Variants in LRRC3C observed in about 807,000 individuals in gnomAD.
LRRC3C encodes the protein leucine rich repeat containing 3C.
In LRRC3C, 11 loss-of-function variants were observed where a neutral mutation model predicts 14.8. That is an observed-to-expected ratio of 0.74 (90% CI 0.47 to 1.23). The LOEUF (loss-of-function observed/expected upper bound fraction) is 1.23. Ranked by LOEUF, LRRC3C falls within the 50% of genes most tolerant of loss-of-function variation. The probability of loss-of-function intolerance (pLI) is 0.00; values close to 1 mark genes in which losing one functional copy is unlikely to be tolerated. For synonymous variants in LRRC3C, 149 were observed against 161.5 expected, an observed-to-expected ratio of 0.92 and a Z score of 0.59; for missense variants, 354 against 361.8, an observed-to-expected ratio of 0.98 and a Z score of 0.18.
At position 39,944,703 on chromosome 17, in the gene LRRC3C, A is replaced by G. The variant is rs1424841608; in HGVS notation, c.797A>G (p.Glu266Gly). The G allele has an allele frequency of 2.0e-6, 3 of 1,535,698 alleles. No individual in the cohort carries two copies. The South Asian group carries it at 3.6e-5, about 18-fold the overall frequency. ...KRAPVLPVRS[E>G]DSSILSTVV ...GCCCCAGTGCTGCCCGTGCGTTCCG[A>G]GGACTCCTCCATCCTCAGCACAGTG... The change falls in exon 4 of 4, where the codon GAG becomes GGG. Residue 266 changes from glutamate (E) to glycine (G), a missense_variant. Physicochemically the swap from Glu to Gly is moderately conservative, Grantham distance 98 (BLOSUM62 -2). Transcript: ENST00000377924.
chr17:39,936,649 CA>C (rs762019861), intron 2 of LRRC3C, among the ~76,000 whole-genome samples: 10,139 of 77,262 alleles, frequency 0.13, 494 homozygotes, highest in South Asian at 0.27. Context: ...CACAAAAATA[CA>C]AAAAAAAAAA....
In LRRC3C at chr17:39,944,715, T is replaced by C; in HGVS notation, c.809T>C (p.Ile270Thr). ...VLPVRSEDSS[I>T]LSTVV ...CCCGTGCGTTCCGAGGACTCCTCCA[T>C]CCTCAGCACAGTGGTCTGATGACCC... Residue 270 changes from isoleucine (I) to threonine (T), a missense_variant, in exon 4 of 4, where the codon ATC becomes ACC. Transcript: ENST00000377924. The C allele has an allele frequency of 6.5e-7, 1 of 1,535,888 alleles. No individual in the cohort carries two copies. The highest frequency in any genetic ancestry group is 1.2e-5 in the South Asian group (1 of 84,030).
intron 1 of LRRC3C, among the ~76,000 whole-genome samples, chr17:39,934,429 A>G (rs1182852070): frequency 6.6e-6 from 1 of 152,162 alleles, no homozygotes; most frequent in Non-Finnish European, 1.5e-5. Context: ...CTGGGTGGCC[A>G]CCGTTCCCAG....
chr17:39,935,306 G>T (rs756369708), intron 1 of LRRC3C, among the ~76,000 whole-genome samples: 1 of 151,766 alleles, frequency 6.6e-6, no homozygotes, highest in African/African-American at 2.4e-5. Flanking sequence ...TCACCTTCTC[G>T]GTGCAGCCTT....
chr17:39,941,593 G>A, intron 3 of LRRC3C, 44 bp downstream of exon 3: 1 of 1,518,304 alleles, frequency 6.6e-7, no homozygotes, highest in Non-Finnish European at 8.8e-7. Context: ...CCACTCTCCT[G>A]TTCTCTTCCA....
intron 1 of LRRC3C, chr17:39,929,360 T>C (rs867527261): frequency 2.0e-5 from 3 of 152,212 alleles, no homozygotes; most frequent in Non-Finnish European, 4.4e-5. Flanking sequence ...TAATAACTCC[T>C]GTTATCGAGG....
At chr17:39,929,473 A>G (rs977973890) in intron 1 of LRRC3C, 1 of 152,134 alleles carries the variant, frequency 6.6e-6, no homozygotes, top group Non-Finnish European at 1.5e-5. Context: ...CCCTGTTGTC[A>G]TCTTTCTCCT....
At position 39,944,449 on chromosome 17, in the gene LRRC3C, T is replaced by C. The variant is rs1328070831; in HGVS notation, c.543T>C (p.Thr181=). ...GGCAGGTGAGGCTGGTGCCGGGCAC[T>C]GGGACAGGCATCGTGTGTGGCTCAG... ...VLRQVRLVPG[T]GTGIVCGSGA... is the part of the protein sequence containing the mutation. The change falls in exon 4 of 4, where the codon ACT becomes ACC. Residue 181 remains threonine, a synonymous_variant. Coordinates refer to ENST00000377924, the MANE Select transcript of LRRC3C (RefSeq NM_001195545.2). The C allele has an allele frequency of 6.7e-7, 1 of 1,486,520 alleles. No homozygotes were observed. The highest frequency in any genetic ancestry group is 2.5e-5 in the East Asian group (1 of 40,422). The allele number at this position is 1,486,520 out of a possible 1,614,324, so 92.1% of individuals were successfully genotyped here.
In LRRC3C at chr17:39,944,648, C is replaced by T. The variant is rs777446728; in HGVS notation, c.742C>T (p.Arg248Ter). Residue 248 changes from arginine (R) to a stop codon, truncating the protein, a stop_gained, in exon 4 of 4, where the codon CGA becomes TGA. Coordinates refer to ENST00000377924, the MANE Select transcript of LRRC3C (RefSeq NM_001195545.2). LOFTEE classifies it high-confidence loss of function. ...AYLVHYVWQN[R>*]DETRRSLKRA... The stretch of plus-strand genomic sequence containing the variant: ...TCTGGTGCATTATGTGTGGCAGAAC[C>T]GAGATGAGACCAGGCGCTCCCTCAA... 2.0e-6 allele frequency: 3 copies of T among 1,535,972 alleles called. No individual in the cohort carries two copies. The highest frequency in any genetic ancestry group is 1.7e-6 in the Non-Finnish European group (2 of 1,146,862).
chr17:39,928,599 G>A (rs903289343), intron 1 of LRRC3C, among the ~76,000 whole-genome samples: 1 of 152,230 alleles, frequency 6.6e-6, no homozygotes, highest in Non-Finnish European at 1.5e-5. Flanking sequence ...AAGAGGTCTT[G>A]TCTGGGTAGT....
Position 39,944,121 on chromosome 17 carries a change from C to T in LRRC3C, c.215C>T (p.Ala72Val), listed in dbSNP as rs1443902066. Reference sequence around the variant, plus strand: ...CGCTGCAGCCAGGCAGGCCTCAGTGCTGTGCCCTCCGGCATCCCCAATGAC... The same window carrying T: ...CGCTGCAGCCAGGCAGGCCTCAGTGTTGTGCCCTCCGGCATCCCCAATGAC... ...TFRCSQAGLS[A>V]VPSGIPNDTR... Residue 72 changes from alanine to valine, a missense_variant, in exon 4 of 4, where the codon GCT becomes GTT. By Grantham distance (64) the Ala-to-Val change is moderately conservative. Coordinates refer to ENST00000377924, the MANE Select transcript of LRRC3C (RefSeq NM_001195545.2). The T allele has an allele frequency of 6.5e-7, 1 of 1,536,220 alleles. No homozygotes were observed. Among genetic ancestry groups the T allele is most frequent in the Non-Finnish European group, 8.7e-7 (1 of 1,146,926 alleles).
At chr17:39,933,649 CG>C (rs1978714962) in intron 1 of LRRC3C, among the ~76,000 whole-genome samples, 3 of 152,022 alleles carry the variant, frequency 2.0e-5, no homozygotes, top group Admixed American at 6.6e-5. Flanking sequence ...AGGAGAATGG[CG>C]TGAACCCGGG....
intron 2 of LRRC3C, 23 bp downstream of exon 2, chr17:39,935,917 C>CTCTA (rs113516312): frequency 2.1e-6 from 2 of 968,086 alleles, no homozygotes; most frequent in Non-Finnish European, 2.5e-6. Flanking sequence ...TATCTATCTT[C>CTCTA]TCTATCTATC....
chr17:39,941,411 C>A (rs77642958), intron 2 of LRRC3C, 32 bp from the exon 3 acceptor site: 330 of 721,196 alleles, frequency 4.6e-4, no homozygotes, highest in Middle Eastern at 7.0e-4. Flanking sequence ...AGGGACCCCC[C>A]CACACACACC....
intron 1 of LRRC3C, among the ~76,000 whole-genome samples, chr17:39,934,364 C>T (rs1277359341): frequency 6.6e-6 from 1 of 152,152 alleles, no homozygotes; most frequent in Non-Finnish European, 1.5e-5. Flanking sequence ...CAAGACAAGA[C>T]CCCCTAGCTC....
In LRRC3C at chr17:39,944,796, C is replaced by G. The variant is rs370552840; in HGVS notation, c.*62C>G. ...CTGCCCCTATGCCCTCTCCTTTGCTCTGACCCCCTCTGCCTCCTGTGCAGC... is the reference window on the plus strand; with the variant it reads ...CTGCCCCTATGCCCTCTCCTTTGCTGTGACCCCCTCTGCCTCCTGTGCAGC... On this transcript the variant is annotated 3_prime_UTR_variant, in exon 4 of 4. Transcript: ENST00000377924. 4.6e-4 allele frequency: 668 copies of G among 1,445,106 alleles called. 3 individuals carry two copies. In the African/African-American group the frequency reaches 8.4e-3, roughly 18 times the overall value. The allele number at this position is 1,445,106 out of a possible 1,614,324, so 89.5% of individuals were successfully genotyped here.
intron 2 of LRRC3C, among the ~76,000 whole-genome samples, chr17:39,941,137 G>T (rs1978926755): frequency 1.3e-5 from 2 of 151,742 alleles, no homozygotes; most frequent in South Asian, 4.2e-4. Context: ...ATCACTAGAG[G>T]TCGGGAGTTC....
chr17:39,941,348 CTA>C (rs1491463528), intron 2 of LRRC3C, 93 bp from the exon 3 acceptor site: 1 of 376,742 alleles, frequency 2.7e-6, no homozygotes, highest in African/African-American at 5.4e-5. Flanking sequence ...GAGACTTTAT[CTA>C]AAAAAAAAAA....
In LRRC3C at chr17:39,944,225, G is replaced by A. The variant is rs1407463174; in HGVS notation, c.319G>A (p.Glu107Lys). 76 of 1,535,744 alleles carry A rather than the reference G, an allele frequency of 4.9e-5. No homozygotes were observed. The highest frequency in any genetic ancestry group is 6.1e-5 in the Non-Finnish European group (70 of 1,146,820). Residue 107 changes from glutamate (E) to lysine (K), a missense_variant, in exon 4 of 4, where the codon GAG becomes AAG. Transcript: ENST00000377924. The stretch of plus-strand genomic sequence containing the variant: ...CTTCCAGCACCTGCCTGTCCTGGAG[G>A]AGTTGGATCTGTCCCATAATGCCCT... ...GAFQHLPVLE[E>K]LDLSHNALAH...
Sources: allele counts gnomAD v4.1 joint callset (sites outside exome capture counted in the v4.1 genomes callset), GRCh38; gene constraint gnomAD v4.1.1; transcripts MANE v1.5; gene names NCBI Gene and HGNC (gene_info 2026-07-23, HGNC 2026-07-21).